The following DBF4 variants were observed in gnomAD, a reference collection of about 807,000 sequenced individuals.
The protein encoded by DBF4 is protein DBF4 homolog A.
In DBF4, 25 loss-of-function variants were observed where a neutral mutation model predicts 76.6. The ratio of observed to expected loss-of-function variants is 0.33; its 90% CI spans 0.24 to 0.46. DBF4 has a LOEUF of 0.46. DBF4 is among the 20% of genes least tolerant of loss of function. The pLI, the probability that DBF4 is intolerant of heterozygous loss-of-function variation, is 1.00. For missense variants in DBF4, 638 were observed against 760.8 expected, an observed-to-expected ratio of 0.84 and a Z score of 1.90; for synonymous variants, 213 against 258.0, an observed-to-expected ratio of 0.83 and a Z score of 1.67.
chr7:87,887,722 T>C (rs1316072428), intron 5 of DBF4, among the ~76,000 whole-genome samples: 3 of 152,150 alleles, frequency 2.0e-5, no homozygotes, highest in Non-Finnish European at 4.4e-5. Context: ...TCTCTTTCTC[T>C]TTTTATAAAG....
intron 8 of DBF4, among the ~76,000 whole-genome samples, chr7:87,898,333 G>A (rs1000954995): frequency 6.6e-6 from 1 of 152,130 alleles, no homozygotes; most frequent in African/African-American, 2.4e-5. Context: ...TCATGAATTG[G>A]AAGATATAAT....
chr7:87,899,182 T>C (rs1584368980), intron 8 of DBF4, among the ~76,000 whole-genome samples: 2 of 152,178 alleles, frequency 1.3e-5, no homozygotes, highest in African/African-American at 4.8e-5. Context: ...AGTGCTTTCC[T>C]GGACGTGACA....
chr7:87,904,204 G>A, intron 10 of DBF4, 88 bp from the exon 11 acceptor site: 3 of 1,356,644 alleles, frequency 2.2e-6, no homozygotes, highest in Non-Finnish European at 3.0e-6. Context: ...AATTTTAGGG[G>A]CATGAGAATG....
rs1244282437 is a variant in DBF4 at position 87,878,216 on chromosome 7, T to C, written c.210T>C (p.Asp70=). ...AAAAACTTCAAAAGGACATTAAGGATCTGGGAGGGGTAAGTGAAAACCGTA... is the reference window on the plus strand; with the variant it reads ...AAAAACTTCAAAAGGACATTAAGGACCTGGGAGGGGTAAGTGAAAACCGTA... ...ISEKLQKDIK[D]LGGRVEEFLS... Residue 70 remains aspartate, a synonymous_variant, in exon 2 of 12, where the codon GAT becomes GAC. Transcript: ENST00000265728. 4 of 1,609,776 alleles carry C rather than the reference T, an allele frequency of 2.5e-6. No homozygotes were observed.
chr7:87,904,261 T>C, intron 10 of DBF4, 31 bp from the exon 11 acceptor site: 1 of 1,569,778 alleles, frequency 6.4e-7, no homozygotes, highest in East Asian at 2.3e-5. Context: ...TAAATACAAT[T>C]TTTTGATACA....
chr7:87,895,053 T>C (rs1839599483), intron 6 of DBF4, among the ~76,000 whole-genome samples: 1 of 152,200 alleles, frequency 6.6e-6, no homozygotes, highest in Non-Finnish European at 1.5e-5. Flanking sequence ...TTTTCCTTTT[T>C]TCCTTAGTCT....
chr7:87,883,346 TTAG>T (rs1839263075), intron 2 of DBF4, among the ~76,000 whole-genome samples: 1 of 152,124 alleles, frequency 6.6e-6, no homozygotes, highest in African/African-American at 2.4e-5. Flanking sequence ...TAGAAATGTT[TTAG>T]TAGTGATGGT....
At chr7:87,906,225 C>T (rs1839911270) in intron 11 of DBF4, among the ~76,000 whole-genome samples, 1 of 151,940 alleles carries the variant, frequency 6.6e-6, no homozygotes, top group African/African-American at 2.4e-5. Flanking sequence ...AAAACTCAGT[C>T]TGCAGCAAAA....
At chr7:87,890,845 ATCTT>A (rs1839467824) in intron 6 of DBF4, among the ~76,000 whole-genome samples, 2 of 152,326 alleles carry the variant, frequency 1.3e-5, no homozygotes, top group East Asian at 3.9e-4. Context: ...ACAGATCTTA[ATCTT>A]TCTTCTAAAA....
chr7:87,908,172 A>G lies in DBF4; in HGVS notation c.*9A>G. ...CATTTACTGGCTTTTAGAATTTAAA[A>G]AATGCATACTTTTCAGAAGTGATAA... is the stretch of plus-strand genomic sequence containing the variant. On this transcript the variant is annotated 3_prime_UTR_variant, in exon 12 of 12. Transcript: ENST00000265728. 2 of 1,538,862 alleles carry G rather than the reference A, an allele frequency of 1.3e-6. No individual in the cohort carries two copies. The highest frequency in any genetic ancestry group is 1.7e-6 in the Non-Finnish European group (2 of 1,147,376).
intron 6 of DBF4, among the ~76,000 whole-genome samples, chr7:87,893,784 G>A (rs980036566): frequency 1.3e-5 from 2 of 152,146 alleles, no homozygotes; most frequent in African/African-American, 4.8e-5. Context: ...TTAATTGGTA[G>A]TTTAAGTGAT....
rs753947599 is a variant in DBF4 at position 87,900,357 on chromosome 7, T to G, written c.809+8T>G. ...AACTCAGGTTAAACTAAGGTTGGTT[T>G]GAATCTTTACTTTTAGAAGGAATAT... On this transcript the variant is annotated splice_region_variant and intron_variant, in intron 9 of 11. Coordinates refer to ENST00000265728, the MANE Select transcript of DBF4 (RefSeq NM_006716.4). 1.0e-5 allele frequency: 16 copies of G among 1,582,462 alleles called. No homozygotes were observed. Among genetic ancestry groups the G allele is most frequent in the East Asian group, 6.8e-5 (3 of 43,802 alleles).
At chr7:87,906,234 A>C (rs1839911368) in intron 11 of DBF4, among the ~76,000 whole-genome samples, 1 of 152,020 alleles carries the variant, frequency 6.6e-6, no homozygotes, top group Non-Finnish European at 1.5e-5. Flanking sequence ...TCTGCAGCAA[A>C]ATTCTGAGCT....
At chr7:87,888,254 A>G in intron 6 of DBF4, 195 bp downstream of exon 6, 1 of 974,264 alleles carries the variant, frequency 1.0e-6, no homozygotes, top group Non-Finnish European at 1.2e-6. Flanking sequence ...TTCCTGGAAT[A>G]GTGGCATAGG....
At chr7:87,900,938 A>G in intron 10 of DBF4, 60 bp downstream of exon 10, 2 of 1,355,700 alleles carry the variant, frequency 1.5e-6, no homozygotes, top group African/African-American at 1.5e-5. Context: ...TGTGTTTTAA[A>G]TTTTAGCTTG....
At chr7:87,878,398 T>C in intron 2 of DBF4, 173 bp downstream of exon 2, 1 of 554,442 alleles carries the variant, frequency 1.8e-6, no homozygotes. Flanking sequence ...TTTTGTGGAC[T>C]GACAGACCTT....
intron 1 of DBF4, among the ~76,000 whole-genome samples, chr7:87,877,246 C>T (rs1212869729): frequency 6.6e-6 from 1 of 152,168 alleles, no homozygotes; most frequent in Non-Finnish European, 1.5e-5. Flanking sequence ...ATTTTCCTTT[C>T]CTCATAAGTT....
intron 2 of DBF4, among the ~76,000 whole-genome samples, chr7:87,879,397 T>C (rs943212360): frequency 1.3e-5 from 2 of 152,232 alleles, no homozygotes; most frequent in African/African-American, 4.8e-5. Flanking sequence ...ATGCTTGTAA[T>C]AGTTGTATTT....
chr7:87,888,192 A>G lies in DBF4; in HGVS notation c.597+133A>G, dbSNP rs189646298. 2,008 of 1,273,084 alleles carry G rather than the reference A, an allele frequency of 1.6e-3. 1 individual carries two copies. The highest frequency in any genetic ancestry group is 1.9e-3 in the Non-Finnish European group (1,909 of 986,348). 78.9% of individuals were successfully genotyped at this position (1,273,084 alleles called of 1,614,324 possible). On this transcript the variant is annotated intron_variant, in intron 6 of 11. Coordinates refer to ENST00000265728, the MANE Select transcript of DBF4 (RefSeq NM_006716.4). ...ATGATGTGCCTGTTTCTGTTATTCA[A>G]ATAAATCGAGTGTCATTTAACTTTA...
Sources: gnomAD v4.1 joint callset for allele counts (sites outside exome capture counted in the v4.1 genomes callset) on GRCh38, gnomAD v4.1.1 for gene constraint, MANE v1.5 for transcripts, NCBI Gene and HGNC (gene_info 2026-07-23, HGNC 2026-07-21) for gene names.